KITLG: variants seen among roughly 807,000 people sequenced by gnomAD.
KITLG encodes KIT ligand.
Under a neutral mutation model 34.1 loss-of-function variants are expected in KITLG, and 13 were observed. The observed-to-expected ratio is 0.38, with a 90% CI of 0.25 to 0.61. KITLG has a LOEUF of 0.61. Ranked by LOEUF, KITLG falls within the 20% of genes least tolerant of loss-of-function variation. KITLG has a pLI of 0.60. For missense variants in KITLG, 292 were observed against 318.9 expected (o/e 0.92, Z 0.64); for synonymous variants, 110 against 104.0 (o/e 1.06, Z -0.35).
At chr12:88,566,582 G>A (rs1409078885) in intron 1 of KITLG, among the ~76,000 whole-genome samples, 4 of 152,166 alleles carry the variant, frequency 2.6e-5, no homozygotes, top group Admixed American at 2.6e-4. Context: ...CCAAATGCGA[G>A]GCCCTCAGGG....
At chr12:88,502,040 G>A (rs958411748) in intron 9 of KITLG, among the ~76,000 whole-genome samples, 21 of 152,148 alleles carry the variant, frequency 1.4e-4, no homozygotes, top group Non-Finnish European at 2.8e-4. Flanking sequence ...CAGAAATAGA[G>A]ATTATTTTCA....
chr12:88,548,725 T>C (rs1307880750), intron 1 of KITLG, among the ~76,000 whole-genome samples: 1 of 152,200 alleles, frequency 6.6e-6, no homozygotes, highest in Non-Finnish European at 1.5e-5. Context: ...TATCAGTGCA[T>C]GACATATGCT....
At chr12:88,534,608 C>T in intron 2 of KITLG, 1 of 467,560 alleles carries the variant, frequency 2.1e-6, no homozygotes, top group Non-Finnish European at 4.2e-6. Flanking sequence ...CTCAAGTGAT[C>T]TGCCTGCCTT....
At chr12:88,516,263 A>T in intron 5 of KITLG, 71 bp downstream of exon 5, 1 of 1,286,688 alleles carries the variant, frequency 7.8e-7, no homozygotes, top group Non-Finnish European at 1.1e-6. Context: ...ACACAGAGGT[A>T]GATTCTTACT....
chr12:88,553,553 C>A (rs187076491), intron 1 of KITLG, among the ~76,000 whole-genome samples: 27 of 152,216 alleles, frequency 1.8e-4, no homozygotes, highest in Admixed American at 3.9e-4. Context: ...GTGATAACCC[C>A]TCATTTCTGG....
intron 1 of KITLG, among the ~76,000 whole-genome samples, chr12:88,550,001 A>C (rs1038794313): frequency 6.6e-6 from 1 of 152,218 alleles, no homozygotes; most frequent in African/African-American, 2.4e-5. Flanking sequence ...AAGGACTGAT[A>C]ACTGACCACT....
rs144900853 is a variant in KITLG, at chr12:88,570,603, G to T, written c.15+9661C>A. ...TGTATGCATGCGTGTCTATATTGGT[G>T]CATTATATTGTAGTGATTAGAAGGA... On this transcript the variant is annotated intron_variant, in intron 1 of 9. Transcript: ENST00000644744. Among the ~76,000 whole-genome samples, 47 of 151,920 alleles carry T rather than the reference G, an allele frequency of 3.1e-4. No homozygotes were observed. In the East Asian group the frequency reaches 8.7e-3, roughly 28 times the overall value.
chr12:88,557,612 T>TA (rs1206733909), intron 1 of KITLG, among the ~76,000 whole-genome samples: 2 of 152,138 alleles, frequency 1.3e-5, no homozygotes, highest in African/African-American at 4.8e-5. Flanking sequence ...TCTGGAAAAC[T>TA]AAAAACGCCA....
At chr12:88,500,263 C>T (rs1293100935) in intron 9 of KITLG, among the ~76,000 whole-genome samples, 3 of 152,222 alleles carry the variant, frequency 2.0e-5, no homozygotes, top group Non-Finnish European at 4.4e-5. Flanking sequence ...TGATTTCTCT[C>T]TCCTTTCAAA....
chr12:88,558,701 CAG>C lies in KITLG; in HGVS notation c.16-12838_16-12837del, dbSNP rs367606039. On this transcript the variant is annotated intron_variant, in intron 1 of 9. Transcript: ENST00000644744. Reference sequence around the variant, plus strand: ...AATTAAAATACAGATTCCTGCATGTCAGAGGGAATCCAAATTTCTGAGGGTGC... The same window carrying C: ...AATTAAAATACAGATTCCTGCATGTCAGGGAATCCAAATTTCTGAGGGTGC... Among the ~76,000 whole-genome samples the C allele has an allele frequency of 4.6e-4, 70 of 152,264 alleles. No homozygotes were observed. In the South Asian group the frequency reaches 0.014, roughly 30 times the overall value.
chr12:88,495,241 C>T lies in KITLG; in HGVS notation c.*1978G>A, dbSNP rs761933033. 1 of 152,014 alleles carries T rather than the reference C, an allele frequency of 6.6e-6. No individual in the cohort carries two copies. The highest frequency in any genetic ancestry group is 1.5e-5 in the Non-Finnish European group (1 of 67,972). The allele number at this position is 152,014 out of a possible 1,614,324, so 9.4% of individuals were successfully genotyped here. A position where few individuals can be genotyped will look rare whatever the true frequency, so the allele number is the denominator to read the frequency against. ...CAGGATTTTCATATGCTCAAGCAAA[C>T]TGAAACCATTGGTTAAATAAATCAA... On this transcript the variant is annotated 3_prime_UTR_variant, in exon 10 of 10. Transcript: ENST00000644744.
chr12:88,543,286 A>C (rs2120906266), intron 2 of KITLG, among the ~76,000 whole-genome samples: 1 of 151,690 alleles, frequency 6.6e-6, no homozygotes, highest in East Asian at 1.9e-4. Flanking sequence ...AACAGGCCCC[A>C]GTGTGTAATG....
chr12:88,574,300 A>G (rs1383853909), intron 1 of KITLG, among the ~76,000 whole-genome samples: 1 of 151,786 alleles, frequency 6.6e-6, no homozygotes, highest in Non-Finnish European at 1.5e-5. Context: ...GAAAAAAAAA[A>G]AAAGAAAAAA....
intron 2 of KITLG, among the ~76,000 whole-genome samples, 184 bp from the exon 3 acceptor site, chr12:88,532,687 C>CA (rs752908435): frequency 6.6e-6 from 1 of 152,146 alleles, no homozygotes; most frequent in Non-Finnish European, 1.5e-5. Flanking sequence ...AGGCATCCTT[C>CA]AAAATAAAAA....
chr12:88,543,196 T>C (rs183049503), intron 2 of KITLG, among the ~76,000 whole-genome samples: 2 of 152,258 alleles, frequency 1.3e-5, no homozygotes, highest in Admixed American at 1.3e-4. Context: ...TGTATCATGT[T>C]GCTTTGCTGC....
intron 6 of KITLG, among the ~76,000 whole-genome samples, chr12:88,508,907 T>C (rs1869170479): frequency 6.6e-6 from 1 of 152,184 alleles, no homozygotes; most frequent in African/African-American, 2.4e-5. Flanking sequence ...CTACTATCTA[T>C]AAAAGTGCTC....
chr12:88,526,601 TTATC>T (rs2120865432), intron 3 of KITLG, among the ~76,000 whole-genome samples: 1 of 152,126 alleles, frequency 6.6e-6, no homozygotes, highest in East Asian at 1.9e-4. Context: ...TGGTGGAAGA[TTATC>T]TATTAAATCA....
intron 3 of KITLG, among the ~76,000 whole-genome samples, chr12:88,520,822 C>T (rs1592844344): frequency 6.6e-6 from 1 of 152,052 alleles, no homozygotes; most frequent in East Asian, 1.9e-4. Context: ...ATTCTAGTTC[C>T]TATTTAGCTA....
intron 3 of KITLG, among the ~76,000 whole-genome samples, chr12:88,525,072 A>G (rs17424193): frequency 0.079 from 11,964 of 152,226 alleles, 517 homozygotes; most frequent in Non-Finnish European, 0.1. Context: ...CTGATAATTA[A>G]TCTCTGAATA....
Sources: allele counts gnomAD v4.1 joint callset (sites outside exome capture counted in the v4.1 genomes callset), GRCh38; gene constraint gnomAD v4.1.1; transcripts MANE v1.5; gene names NCBI Gene and HGNC (gene_info 2026-07-23, HGNC 2026-07-21).